Variants in F13A1 observed in about 807,000 individuals in gnomAD.
The protein encoded by F13A1 is coagulation factor XIII A chain, also known as FSF, A subunit.
F13A1 carries 47 observed loss-of-function variants against 80.1 expected under a neutral mutation model. The ratio of observed to expected loss-of-function variants is 0.59; its 90% CI spans 0.46 to 0.75. The LOEUF (loss-of-function observed/expected upper bound fraction) is 0.75. Ranked by LOEUF, F13A1 falls within the 30% of genes least tolerant of loss-of-function variation. The pLI, the probability that F13A1 is intolerant of heterozygous loss-of-function variation, is 0.00. For synonymous variants in F13A1, 349 were observed against 344.9 expected, an observed-to-expected ratio of 1.01 and a Z score of -0.13; for missense variants, 817 against 930.4, an observed-to-expected ratio of 0.88 and a Z score of 1.59.
At chr6:6,227,930 A>C (rs1045424655) in intron 6 of F13A1, among the ~76,000 whole-genome samples, 1 of 152,228 alleles carries the variant, frequency 6.6e-6, no homozygotes, top group Non-Finnish European at 1.5e-5. Flanking sequence ...TAATTAGAAC[A>C]TTGATTTCTA....
At chr6:6,314,009 C>G in intron 2 of F13A1, among the ~76,000 whole-genome samples, 1 of 67,252 alleles carries the variant, frequency 1.5e-5, no homozygotes, top group East Asian at 9.3e-4. Flanking sequence ...GAAACGGAGT[C>G]TTGGTCTTAT....
At chr6:6,306,895 G>A (rs1308641180) in intron 2 of F13A1, among the ~76,000 whole-genome samples, 1 of 152,206 alleles carries the variant, frequency 6.6e-6, no homozygotes, top group East Asian at 1.9e-4. Flanking sequence ...ACCCCATTGT[G>A]TTCCATAGTC....
chr6:6,216,881 A>G (rs1158677490), intron 8 of F13A1, among the ~76,000 whole-genome samples: 144 of 150,132 alleles, frequency 9.6e-4, no homozygotes, highest in African/African-American at 3.4e-3. Flanking sequence ...ATGAACAGGC[A>G]CTTCTCAAAA....
At chr6:6,231,215 A>G (rs1757347947) in intron 6 of F13A1, among the ~76,000 whole-genome samples, 1 of 152,220 alleles carries the variant, frequency 6.6e-6, no homozygotes, top group African/African-American at 2.4e-5. Flanking sequence ...AAGGAAATAG[A>G]TAGCTTAAAG....
intron 13 of F13A1, among the ~76,000 whole-genome samples, chr6:6,156,164 G>C (rs1358285553): frequency 1.3e-5 from 2 of 151,970 alleles, no homozygotes; most frequent in African/African-American, 4.8e-5. Context: ...ATCTCTCTCT[G>C]TTTTAAAAAA....
At chr6:6,282,632 G>T (rs1758082341) in intron 3 of F13A1, among the ~76,000 whole-genome samples, 1 of 152,176 alleles carries the variant, frequency 6.6e-6, no homozygotes, top group Admixed American at 6.5e-5. Context: ...TGACCGACAG[G>T]CTTATCCTCA....
chr6:6,276,092 A>G (rs1002915937), intron 3 of F13A1, among the ~76,000 whole-genome samples: 9 of 152,170 alleles, frequency 5.9e-5, no homozygotes, highest in African/African-American at 2.2e-4. Flanking sequence ...AACCACTTAT[A>G]GTTTGTCTCA....
At chr6:6,222,689 C>T (rs777073856) in intron 7 of F13A1, among the ~76,000 whole-genome samples, 2 of 152,142 alleles carry the variant, frequency 1.3e-5, no homozygotes, top group Non-Finnish European at 2.9e-5. Flanking sequence ...GCCATATGTA[C>T]CTACTGATTA....
At position 6,210,893 on chromosome 6, in the gene F13A1, TA is replaced by T. The variant is rs1277209087; in HGVS notation, c.1112+11139del. ...ACAGGCATGCACCACCACGCCCAGCTAATTTTTTTGTATTTTTAGTAGAGAC... is the reference window on the plus strand; with the variant it reads ...ACAGGCATGCACCACCACGCCCAGCTATTTTTTTGTATTTTTAGTAGAGAC... On this transcript the variant is annotated intron_variant, in intron 8 of 14. Transcript: ENST00000264870. 2.0e-5 allele frequency among the ~76,000 whole-genome samples: 3 copies of T among 151,934 alleles called. No individual in the cohort carries two copies. The East Asian group carries it at 5.8e-4, about 29-fold the overall frequency.
chr6:6,282,212 A>C (rs1758076866), intron 3 of F13A1, among the ~76,000 whole-genome samples: 1 of 152,096 alleles, frequency 6.6e-6, no homozygotes, highest in Admixed American at 6.5e-5. Context: ...TTCTTTGGAG[A>C]AATGTTTCTC....
intron 6 of F13A1, among the ~76,000 whole-genome samples, chr6:6,231,316 G>A (rs1401816029): frequency 2.0e-5 from 3 of 152,016 alleles, no homozygotes; most frequent in African/African-American, 7.2e-5. Flanking sequence ...TGAACATGTA[G>A]AAGAAAAAAA....
chr6:6,234,948 C>A (rs1323956615), intron 6 of F13A1, among the ~76,000 whole-genome samples: 1 of 151,782 alleles, frequency 6.6e-6, no homozygotes, highest in Non-Finnish European at 1.5e-5. Context: ...ACAAACAGAT[C>A]AATGTGACAC....
Position 6,160,147 on chromosome 6 carries a change from G to A in F13A1, c.1908+7311C>T, listed in dbSNP as rs181769718. Among the ~76,000 whole-genome samples, 1,118 of 151,368 alleles carry A rather than the reference G, an allele frequency of 7.4e-3. 15 individuals carry two copies. The highest frequency in any genetic ancestry group is 0.025 in the African/African-American group (1,045 of 41,302). On this transcript the variant is annotated intron_variant, in intron 13 of 14. Coordinates refer to ENST00000264870, the MANE Select transcript of F13A1 (RefSeq NM_000129.4). ...CAAAAATTATCTGGGCGTGGTGGTG[G>A]GCGCCTGTAATCCCAGCTACTTGGG...
chr6:6,201,223 GATA>G (rs1205061568), intron 8 of F13A1, among the ~76,000 whole-genome samples: 3 of 152,184 alleles, frequency 2.0e-5, no homozygotes, highest in Admixed American at 1.3e-4. Flanking sequence ...TTTCTTTGAG[GATA>G]ATATTTCTTT....
At chr6:6,196,856 T>C (rs1359431065) in intron 9 of F13A1, among the ~76,000 whole-genome samples, 2 of 152,206 alleles carry the variant, frequency 1.3e-5, no homozygotes, top group Non-Finnish European at 2.9e-5. Flanking sequence ...GAGTTCTCTA[T>C]TTTCTCTCCT....
At chr6:6,247,402 C>T (rs1023754257) in intron 6 of F13A1, among the ~76,000 whole-genome samples, 1 of 151,964 alleles carries the variant, frequency 6.6e-6, no homozygotes, top group Non-Finnish European at 1.5e-5. Context: ...GAAATACCAC[C>T]CAGTTTAACA....
At chr6:6,263,356 C>T (rs747162700) in intron 4 of F13A1, among the ~76,000 whole-genome samples, 2 of 152,188 alleles carry the variant, frequency 1.3e-5, no homozygotes, top group African/African-American at 4.8e-5. Flanking sequence ...CACTTTCCTC[C>T]CCTATCCTAT....
intron 3 of F13A1, among the ~76,000 whole-genome samples, chr6:6,284,733 G>A (rs575683618): frequency 6.6e-6 from 1 of 152,278 alleles, no homozygotes; most frequent in East Asian, 1.9e-4. Context: ...TAAGCTCCTG[G>A]ACTACCAAGA....
In F13A1 at chr6:6,266,814, G is replaced by A. The variant is rs1005875490; in HGVS notation, c.320-5C>T. 6.2e-7 allele frequency: 1 copy of A among 1,614,102 alleles called. No homozygotes were observed. The highest frequency in any genetic ancestry group is 1.1e-5 in the South Asian group (1 of 91,072). ...TGTTCTCCTGTGGGTAGCGACCTAT[G>A]AGAAGAGAGAAGAAATACTCTGTTA... On this transcript the variant is annotated splice_region_variant and splice_polypyrimidine_tract_variant and intron_variant, in intron 3 of 14. Coordinates refer to ENST00000264870, the MANE Select transcript of F13A1 (RefSeq NM_000129.4).
Sources: gnomAD v4.1 joint callset for allele counts (sites outside exome capture counted in the v4.1 genomes callset) on GRCh38, gnomAD v4.1.1 for gene constraint, MANE v1.5 for transcripts, NCBI Gene and HGNC (gene_info 2026-07-23, HGNC 2026-07-21) for gene names.